Variants in GREM2 observed in about 807,000 individuals in gnomAD.
The protein encoded by GREM2 is gremlin 2, DAN family BMP antagonist, also known as gremlin-2.
GREM2 carries 11 observed loss-of-function variants against 14.2 expected under a neutral mutation model. That is an observed-to-expected ratio of 0.78 (90% CI 0.49 to 1.28). The LOEUF (loss-of-function observed/expected upper bound fraction) is 1.28. Ranked by LOEUF, GREM2 falls within the 50% of genes most tolerant of loss-of-function variation. The pLI, the probability that GREM2 is intolerant of heterozygous loss-of-function variation, is 0.00. For missense variants in GREM2, 210 were observed against 218.5 expected (o/e 0.96, Z 0.24); for synonymous variants, 98 against 97.6 (o/e 1.00, Z -0.02).
intron 1 of GREM2, among the ~76,000 whole-genome samples, chr1:240,587,969 C>A (rs971147462): frequency 1.3e-5 from 2 of 152,160 alleles, no homozygotes; most frequent in Non-Finnish European, 2.9e-5. Context: ...GGGCCAGCAC[C>A]TTGCTCTTTG....
At position 240,491,243 on chromosome 1, in the gene GREM2, T is replaced by C. The variant is rs1677240987; in HGVS notation, c.*1726A>G. ...CTCTAGATCCACCATCACTACCTAG[T>C]ATCAGGAAGCTAAGTCCCCACAGCG... On this transcript the variant is annotated 3_prime_UTR_variant, in exon 2 of 2. Coordinates refer to ENST00000318160, the MANE Select transcript of GREM2 (RefSeq NM_022469.4). The C allele has an allele frequency of 6.6e-6, 1 of 152,414 alleles. No individual in the cohort carries two copies. The highest frequency in any genetic ancestry group is 6.5e-5 in the Admixed American group (1 of 15,282). 9.4% of individuals were successfully genotyped at this position (152,414 alleles called of 1,614,324 possible).
intron 1 of GREM2, among the ~76,000 whole-genome samples, chr1:240,611,247 T>G (rs1680128307): frequency 6.6e-6 from 1 of 152,094 alleles, no homozygotes; most frequent in African/African-American, 2.4e-5. Context: ...AGAATACAAA[T>G]GCATTTTTAA....
At chr1:240,559,940 CGGTGTT>C (rs1312512835) in intron 1 of GREM2, among the ~76,000 whole-genome samples, 28 of 152,244 alleles carry the variant, frequency 1.8e-4, no homozygotes, top group Admixed American at 3.9e-4. Flanking sequence ...GAAACAGTCA[CGGTGTT>C]TCCGTGTGCA....
chr1:240,583,904 C>T (rs1288660960), intron 1 of GREM2, among the ~76,000 whole-genome samples: 1 of 151,990 alleles, frequency 6.6e-6, no homozygotes, highest in Non-Finnish European at 1.5e-5. Flanking sequence ...GCCCAGCCTT[C>T]ATCTCTATTT....
intron 1 of GREM2, among the ~76,000 whole-genome samples, chr1:240,588,008 G>A (rs1362225329): frequency 6.6e-6 from 1 of 152,130 alleles, no homozygotes; most frequent in Non-Finnish European, 1.5e-5. Context: ...ACGGCACATG[G>A]AACCCACGGT....
chr1:240,585,373 T>C (rs1270314656), intron 1 of GREM2, among the ~76,000 whole-genome samples: 1 of 152,046 alleles, frequency 6.6e-6, no homozygotes, highest in South Asian at 2.1e-4. Flanking sequence ...ATTAAATAGA[T>C]TAAATACCCT....
intron 1 of GREM2, among the ~76,000 whole-genome samples, chr1:240,590,427 CTTTCT>C (rs1679684908): frequency 7.3e-6 from 1 of 136,412 alleles, no homozygotes; most frequent in African/African-American, 2.9e-5. Flanking sequence ...TTTTCTTTTT[CTTTCT>C]TTTTTTTTTT....
At chr1:240,539,090 G>A (rs1404788995) in intron 1 of GREM2, among the ~76,000 whole-genome samples, 1 of 152,140 alleles carries the variant, frequency 6.6e-6, no homozygotes, top group African/African-American at 2.4e-5. Context: ...ATTAGGAAGG[G>A]GAAAGTCAGC....
At chr1:240,601,529 C>A (rs1389822886) in intron 1 of GREM2, among the ~76,000 whole-genome samples, 1 of 152,200 alleles carries the variant, frequency 6.6e-6, no homozygotes, top group African/African-American at 2.4e-5. Flanking sequence ...AAATTTACTG[C>A]ACCTCAGTGA....
chr1:240,494,896 G>A lies in GREM2; in HGVS notation c.-1-1420C>T, dbSNP rs756178397. Among the ~76,000 whole-genome samples the A allele has an allele frequency of 5.9e-5, 9 of 151,842 alleles. 1 individual carries two copies. The highest frequency in any genetic ancestry group is 4.2e-4 in the South Asian group (2 of 4,800). Reference sequence around the variant, plus strand: ...AGCCTGTGCGACAGAGTGAGACTCCGGCTCAGAAAAAAAAATAAGAATAAA... The same window carrying A: ...AGCCTGTGCGACAGAGTGAGACTCCAGCTCAGAAAAAAAAATAAGAATAAA... On this transcript the variant is annotated intron_variant, in intron 1 of 1. Coordinates refer to ENST00000318160, the MANE Select transcript of GREM2 (RefSeq NM_022469.4).
rs772881226 is a variant in GREM2, at chr1:240,493,498, G to C, written c.-1-22C>G. 1.9e-5 allele frequency: 30 copies of C among 1,577,384 alleles called. 1 individual carries two copies. The highest frequency in any genetic ancestry group is 3.4e-4 in the Middle Eastern group (2 of 5,886). On this transcript the variant is annotated intron_variant, in intron 1 of 1. Transcript: ENST00000318160. ...CATCCTGCAAACGAGAAAAGAGAGGGGCTGGCTGTGAAGGGCCGTAGAGTA... is the reference window on the plus strand; with the variant it reads ...CATCCTGCAAACGAGAAAAGAGAGGCGCTGGCTGTGAAGGGCCGTAGAGTA...
rs1373118568 is a variant in GREM2, at chr1:240,489,717, T to C, written c.*3252A>G. On this transcript the variant is annotated 3_prime_UTR_variant, in exon 2 of 2. Coordinates refer to ENST00000318160, the MANE Select transcript of GREM2 (RefSeq NM_022469.4). Reference sequence around the variant, plus strand: ...TGCAGACATTAATAATCAGTGGTGATAGGTCAATCATTAAATAAGCCTTCT... The same window carrying C: ...TGCAGACATTAATAATCAGTGGTGACAGGTCAATCATTAAATAAGCCTTCT... 6.6e-6 allele frequency: 1 copy of C among 152,256 alleles called. No individual in the cohort carries two copies. Among genetic ancestry groups the C allele is most frequent in the Non-Finnish European group, 1.5e-5 (1 of 68,042 alleles). The allele number at this position is 152,256 out of a possible 1,614,324, so 9.4% of individuals were successfully genotyped here. A position where few individuals can be genotyped will look rare whatever the true frequency, so the allele number is the denominator to read the frequency against.
chr1:240,517,537 T>A (rs1341426577), intron 1 of GREM2, among the ~76,000 whole-genome samples: 1 of 152,238 alleles, frequency 6.6e-6, no homozygotes, highest in Admixed American at 6.5e-5. Context: ...GATGCTATGA[T>A]AAACCATAGT....
chr1:240,547,290 G>A (rs1678748995), intron 1 of GREM2, among the ~76,000 whole-genome samples: 1 of 151,818 alleles, frequency 6.6e-6, no homozygotes, highest in Non-Finnish European at 1.5e-5. Context: ...CACGAGGGCA[G>A]GAGATCAAGA....
intron 1 of GREM2, among the ~76,000 whole-genome samples, chr1:240,505,316 T>C (rs1677653613): frequency 6.6e-6 from 1 of 152,200 alleles, no homozygotes; most frequent in Admixed American, 6.5e-5. Flanking sequence ...TATTTCTTTA[T>C]AGCCGACTAA....
At chr1:240,601,466 C>A (rs1044175066) in intron 1 of GREM2, among the ~76,000 whole-genome samples, 1 of 152,182 alleles carries the variant, frequency 6.6e-6, no homozygotes, top group Non-Finnish European at 1.5e-5. Flanking sequence ...GCTTCTTAAG[C>A]CCTCAGTCTG....
At chr1:240,510,252 C>T (rs1318203557) in intron 1 of GREM2, among the ~76,000 whole-genome samples, 11 of 151,548 alleles carry the variant, frequency 7.3e-5, no homozygotes, top group Admixed American at 4.0e-4. Context: ...CGCCTGTAGT[C>T]CCAGCTAGTC....
chr1:240,496,064 G>A (rs1677406312), intron 1 of GREM2, among the ~76,000 whole-genome samples: 1 of 151,936 alleles, frequency 6.6e-6, no homozygotes, highest in Admixed American at 6.6e-5. Flanking sequence ...AGCCTCCCAA[G>A]TAGCTGAGAT....
chr1:240,601,283 T>C (rs575264621), intron 1 of GREM2, among the ~76,000 whole-genome samples: 2 of 152,186 alleles, frequency 1.3e-5, no homozygotes, highest in Admixed American at 6.5e-5. Flanking sequence ...TCCACACAGA[T>C]AGGAACAAAG....
Sources: allele counts gnomAD v4.1 joint callset (sites outside exome capture counted in the v4.1 genomes callset), GRCh38; gene constraint gnomAD v4.1.1; transcripts MANE v1.5; gene names NCBI Gene and HGNC (gene_info 2026-07-23, HGNC 2026-07-21).